Variants in LRP1B observed in about 807,000 individuals in gnomAD.
LRP1B encodes the protein low-density lipoprotein receptor-related protein 1B.
Under a neutral mutation model 556.6 loss-of-function variants are expected in LRP1B, and 217 were observed. The ratio of observed to expected loss-of-function variants is 0.39; its 90% CI spans 0.35 to 0.44. The LOEUF (loss-of-function observed/expected upper bound fraction) is 0.44. LRP1B is among the 20% of genes least tolerant of loss of function. LRP1B has a pLI of 1.00. For synonymous variants in LRP1B, 2,047 were observed against 1,865.8 expected (o/e 1.10, Z -2.50); for missense variants, 5,053 against 5,620.8 (o/e 0.90, Z 3.23).
At chr2:141,014,587 T>A (rs147806157) in intron 13 of LRP1B, among the ~76,000 whole-genome samples, 69 of 152,220 alleles carry the variant, frequency 4.5e-4, no homozygotes, top group African/African-American at 1.6e-3. Flanking sequence ...GAGAAAATTA[T>A]CTAAATAATT....
At chr2:140,588,405 C>T (rs1204537621) in intron 43 of LRP1B, among the ~76,000 whole-genome samples, 1 of 152,136 alleles carries the variant, frequency 6.6e-6, no homozygotes, top group Non-Finnish European at 1.5e-5. Flanking sequence ...CCTAAAGCAA[C>T]TGCTAAAAAA....
At chr2:140,952,204 G>A (rs1695737661) in intron 18 of LRP1B, among the ~76,000 whole-genome samples, 1 of 152,120 alleles carries the variant, frequency 6.6e-6, no homozygotes, top group African/African-American at 2.4e-5. Flanking sequence ...TCATTATACT[G>A]CTAGAAAAAT....
chr2:141,679,498 T>A (rs1184929452), intron 2 of LRP1B, among the ~76,000 whole-genome samples: 1 of 152,212 alleles, frequency 6.6e-6, no homozygotes, highest in Non-Finnish European at 1.5e-5. Flanking sequence ...ATCCATGTTC[T>A]GATGATAGGA....
chr2:140,954,412 A>G (rs1462441844), intron 18 of LRP1B, among the ~76,000 whole-genome samples: 2 of 152,190 alleles, frequency 1.3e-5, no homozygotes, highest in South Asian at 2.1e-4. Context: ...TTTTGACTCT[A>G]TAATAAGCTA....
At chr2:141,167,701 AG>A (rs1458732138) in intron 7 of LRP1B, among the ~76,000 whole-genome samples, 1 of 151,922 alleles carries the variant, frequency 6.6e-6, no homozygotes, top group Non-Finnish European at 1.5e-5. Flanking sequence ...TATTTATGTC[AG>A]GGATTTTCAT....
intron 1 of LRP1B, among the ~76,000 whole-genome samples, chr2:142,052,603 C>T (rs1704499586): frequency 6.6e-6 from 1 of 152,082 alleles, no homozygotes; most frequent in Non-Finnish European, 1.5e-5. Context: ...AAAGTTCCTC[C>T]CCCTCACGTG....
At chr2:141,099,359 G>T (rs76913786) in intron 7 of LRP1B, among the ~76,000 whole-genome samples, 10,263 of 152,102 alleles carry the variant, frequency 0.067, 389 homozygotes, top group South Asian at 0.11. Flanking sequence ...TTAAATCTTT[G>T]GTTTAAAAGT....
intron 89 of LRP1B, among the ~76,000 whole-genome samples, chr2:140,235,284 CT>C: frequency 6.6e-6 from 1 of 151,258 alleles, no homozygotes; most frequent in East Asian, 2.0e-4. Context: ...ACTTTCAATC[CT>C]TTTGATTATA....
intron 1 of LRP1B, among the ~76,000 whole-genome samples, chr2:141,854,541 T>C (rs1013918528): frequency 9.9e-5 from 15 of 152,102 alleles, no homozygotes; most frequent in Admixed American, 2.6e-4. Context: ...GCTTTCCACC[T>C]GCATTACACA....
rs1574060398 is a variant in LRP1B, at chr2:140,541,971, C to A, written c.7195G>T (p.Val2399Leu). 3.1e-6 allele frequency: 5 copies of A among 1,592,518 alleles called. No homozygotes were observed. The highest frequency in any genetic ancestry group is 4.3e-6 in the Non-Finnish European group (5 of 1,166,196). ...GTCCCTGGCCCAGATTTAACTATCA[C>A]CTGAAATAAATTAAAATACTGTATT... ...RCEYDGSQRH[V>L]IVKSGPGTFL... is the part of the protein sequence containing the mutation. Residue 2399 changes from valine (V) to leucine (L), a missense_variant and splice_region_variant, in exon 44 of 91, where the codon GTG becomes TTG. Val to Leu is a conservative substitution (Grantham distance 32). This residue lies in a region of LRP1B where 3,619 missense variants were observed against 3,931.9 expected (regional missense o/e 0.92). Coordinates refer to ENST00000389484, the MANE Select transcript of LRP1B (RefSeq NM_018557.3).
intron 66 of LRP1B, among the ~76,000 whole-genome samples, chr2:140,403,403 G>A (rs1183008646): frequency 3.3e-5 from 5 of 152,104 alleles, no homozygotes; most frequent in Admixed American, 1.3e-4. Context: ...AAAAATTTTC[G>A]AGAGAGATAG....
At chr2:140,490,389 G>A (rs1269674123) in intron 57 of LRP1B, among the ~76,000 whole-genome samples, 1 of 152,052 alleles carries the variant, frequency 6.6e-6, no homozygotes. Context: ...TAGAGGGCAA[G>A]AAAAAGCTCC....
chr2:141,258,899 G>A (rs1363704461), intron 3 of LRP1B, among the ~76,000 whole-genome samples: 2 of 152,098 alleles, frequency 1.3e-5, no homozygotes, highest in African/African-American at 4.8e-5. Context: ...GCAGAACTGT[G>A]AGCCAATTCA....
intron 27 of LRP1B, among the ~76,000 whole-genome samples, chr2:140,858,854 T>C (rs1692699430): frequency 6.6e-6 from 1 of 152,176 alleles, no homozygotes; most frequent in Admixed American, 6.5e-5. Context: ...CTGTTCCTGC[T>C]TTAGTTTGCT....
chr2:141,054,335 G>C (rs1699120135), intron 10 of LRP1B, among the ~76,000 whole-genome samples: 1 of 151,936 alleles, frequency 6.6e-6, no homozygotes. Flanking sequence ...TAAAAATAAT[G>C]GTGTTTGGGG....
chr2:140,532,084 T>G (rs933391672), intron 47 of LRP1B, among the ~76,000 whole-genome samples: 1 of 152,100 alleles, frequency 6.6e-6, no homozygotes, highest in Non-Finnish European at 1.5e-5. Context: ...TCTCTACCTA[T>G]CTACATGCCT....
chr2:140,771,086 C>A, intron 33 of LRP1B, 80 bp from the exon 34 acceptor site: 1 of 986,256 alleles, frequency 1.0e-6, no homozygotes, highest in Non-Finnish European at 1.5e-6. Flanking sequence ...AATAATTTGA[C>A]AAATATGTAT....
chr2:140,416,995 A>C (rs555214642), intron 66 of LRP1B, among the ~76,000 whole-genome samples: 25 of 152,324 alleles, frequency 1.6e-4, no homozygotes, highest in Non-Finnish European at 3.2e-4. Context: ...GTCAACAAAA[A>C]GAAAACTGCA....
At chr2:141,750,075 G>A (rs1694054753) in intron 2 of LRP1B, among the ~76,000 whole-genome samples, 1 of 152,074 alleles carries the variant, frequency 6.6e-6, no homozygotes, top group Admixed American at 6.6e-5. Context: ...ATGTCTTTAT[G>A]GTTTTTACTG....
Sources: gnomAD v4.1 joint callset for allele counts (sites outside exome capture counted in the v4.1 genomes callset) on GRCh38, gnomAD v4.1.1 for gene constraint, gnomAD v4.1.1 regional missense constraint, MANE v1.5 for transcripts, NCBI Gene and HGNC (gene_info 2026-07-23, HGNC 2026-07-21) for gene names.